PARD3: variants seen among roughly 807,000 people sequenced by gnomAD.
The protein encoded by PARD3 is partitioning defective 3 homolog.
Under a neutral mutation model 155.4 loss-of-function variants are expected in PARD3, and 75 were observed. The ratio of observed to expected loss-of-function variants is 0.48; its 90% CI spans 0.40 to 0.58. The LOEUF is 0.58. Ranked by LOEUF, PARD3 falls within the 20% of genes least tolerant of loss-of-function variation. The pLI is 0.00. For synonymous variants in PARD3, 576 were observed against 610.5 expected, an observed-to-expected ratio of 0.94 and a Z score of 0.83; for missense variants, 1,642 against 1,721.7, an observed-to-expected ratio of 0.95 and a Z score of 0.82.
intron 2 of PARD3, among the ~76,000 whole-genome samples, chr10:34,674,866 T>C (rs1173946098): frequency 6.6e-6 from 1 of 152,196 alleles, no homozygotes; most frequent in Non-Finnish European, 1.5e-5. Flanking sequence ...CTGCCCTGCA[T>C]CAATTTAACT....
chr10:34,149,373 G>T (rs1588937749), intron 22 of PARD3, among the ~76,000 whole-genome samples: 1 of 151,972 alleles, frequency 6.6e-6, no homozygotes, highest in South Asian at 2.1e-4. Flanking sequence ...CAAGAATATT[G>T]ACCTCTAAAG....
chr10:34,266,966 C>A (rs1460367169), intron 22 of PARD3, among the ~76,000 whole-genome samples: 1 of 152,150 alleles, frequency 6.6e-6, no homozygotes, highest in African/African-American at 2.4e-5. Context: ...GAAGACAGAA[C>A]CCATCTGACT....
chr10:34,563,978 A>T (rs2085720858), intron 2 of PARD3, among the ~76,000 whole-genome samples: 2 of 152,238 alleles, frequency 1.3e-5, no homozygotes, highest in South Asian at 4.1e-4. Flanking sequence ...TGATGATAAA[A>T]TAAGATTAAT....
intron 5 of PARD3, among the ~76,000 whole-genome samples, chr10:34,421,792 T>C (rs146024308): frequency 1.4e-3 from 218 of 152,206 alleles, no homozygotes; most frequent in African/African-American, 5.1e-3. Flanking sequence ...GGAAAGAAAA[T>C]ACACAATAAA....
At chr10:34,264,997 T>C (rs567424278) in intron 22 of PARD3, among the ~76,000 whole-genome samples, 148 of 152,326 alleles carry the variant, frequency 9.7e-4, no homozygotes, top group African/African-American at 3.5e-3. Flanking sequence ...GCAATCCTCT[T>C]GCCTTGGCTT....
intron 2 of PARD3, among the ~76,000 whole-genome samples, chr10:34,681,136 G>A (rs1444136570): frequency 6.6e-6 from 1 of 152,126 alleles, no homozygotes; most frequent in Non-Finnish European, 1.5e-5. Context: ...TCTCCATGAA[G>A]TACAGAAATA....
At chr10:34,189,419 TA>T (rs1950613362) in intron 22 of PARD3, among the ~76,000 whole-genome samples, 2 of 152,150 alleles carry the variant, frequency 1.3e-5, no homozygotes, top group South Asian at 4.1e-4. Context: ...GCAAACGCCA[TA>T]GGGGAGGGGG....
At chr10:34,423,930 C>A (rs2075451339) in intron 5 of PARD3, among the ~76,000 whole-genome samples, 2 of 152,082 alleles carry the variant, frequency 1.3e-5, no homozygotes, top group African/African-American at 4.8e-5. Flanking sequence ...GAAAAGAAAT[C>A]ATGAAACTCT....
chr10:34,399,129 C>T (rs190759909), intron 7 of PARD3, among the ~76,000 whole-genome samples: 69 of 152,242 alleles, frequency 4.5e-4, no homozygotes, highest in Non-Finnish European at 7.1e-4. Context: ...AGTTTCTTCA[C>T]GTTCCTGCAA....
intron 3 of PARD3, among the ~76,000 whole-genome samples, chr10:34,499,549 TA>T (rs200204456): frequency 0.02 from 2,845 of 143,286 alleles, 62 homozygotes; most frequent in African/African-American, 0.059. Flanking sequence ...TTCCTCAGTG[TA>T]AAAAAAAAAA....
intron 7 of PARD3, among the ~76,000 whole-genome samples, chr10:34,392,730 G>A (rs931037614): frequency 6.6e-6 from 1 of 152,054 alleles, no homozygotes; most frequent in African/African-American, 2.4e-5. Context: ...TCAAGGACAT[G>A]CACTGCTGGG....
chr10:34,621,989 ATTAT>A (rs1391905580), intron 2 of PARD3, among the ~76,000 whole-genome samples: 3 of 152,230 alleles, frequency 2.0e-5, no homozygotes, highest in Non-Finnish European at 4.4e-5. Context: ...TTATTTAATC[ATTAT>A]TTAGTTTTCA....
chr10:34,545,553 CGACTTTATA>C (rs2083973857), intron 2 of PARD3, among the ~76,000 whole-genome samples: 1 of 152,054 alleles, frequency 6.6e-6, no homozygotes, highest in South Asian at 2.1e-4. Context: ...ATTAAACAAA[CGACTTTATA>C]TCCTTTTTTT....
intron 22 of PARD3, among the ~76,000 whole-genome samples, chr10:34,223,006 C>A (rs1478053823): frequency 1.3e-5 from 2 of 152,172 alleles, no homozygotes; most frequent in Non-Finnish European, 2.9e-5. Flanking sequence ...TTCAGGCCTT[C>A]CCTTTAGTCA....
chr10:34,529,637 T>C (rs2082706039), intron 2 of PARD3, among the ~76,000 whole-genome samples: 1 of 152,240 alleles, frequency 6.6e-6, no homozygotes, highest in Non-Finnish European at 1.5e-5. Flanking sequence ...ACCTATTTTG[T>C]GTGTTATATG....
intron 22 of PARD3, among the ~76,000 whole-genome samples, chr10:34,241,348 T>C (rs577953944): frequency 6.6e-6 from 1 of 151,402 alleles, no homozygotes; most frequent in African/African-American, 2.4e-5. Flanking sequence ...AGTCAAGGAG[T>C]GCAAGGAGGC....
intron 2 of PARD3, among the ~76,000 whole-genome samples, chr10:34,647,723 A>G (rs1462261407): frequency 6.6e-6 from 1 of 152,196 alleles, no homozygotes; most frequent in Non-Finnish European, 1.5e-5. Context: ...AGCAAACATA[A>G]AGCTTCCCTT....
At chr10:34,218,443 C>T (rs984226281) in intron 22 of PARD3, among the ~76,000 whole-genome samples, 1 of 152,094 alleles carries the variant, frequency 6.6e-6, no homozygotes, top group African/African-American at 2.4e-5. Flanking sequence ...TATCTCTAAG[C>T]CCCATTTAAA....
chr10:34,151,059 T>G (rs1440524783), intron 22 of PARD3, among the ~76,000 whole-genome samples: 1 of 152,224 alleles, frequency 6.6e-6, no homozygotes, highest in Non-Finnish European at 1.5e-5. Context: ...TAATGCAGTT[T>G]CTAAGGCCCA....
Sources: allele counts gnomAD v4.1 joint callset (sites outside exome capture counted in the v4.1 genomes callset), GRCh38; gene constraint gnomAD v4.1.1; transcripts MANE v1.5; gene names NCBI Gene and HGNC (gene_info 2026-07-23, HGNC 2026-07-21).